Variants in SFT2D2 observed in about 807,000 individuals in gnomAD.
SFT2D2 encodes the protein vesicle transport protein SFT2B.
Under a neutral mutation model 27.4 loss-of-function variants are expected in SFT2D2, and 21 were observed. The observed-to-expected ratio is 0.77, with a 90% CI of 0.54 to 1.10. The LOEUF is 1.10. Ranked by LOEUF, SFT2D2 falls within the 50% of genes least tolerant of loss-of-function variation. The probability of loss-of-function intolerance (pLI) is 0.00; values close to 1 mark genes in which losing one functional copy is unlikely to be tolerated. For synonymous variants in SFT2D2, 72 were observed against 71.7 expected (o/e 1.00, Z -0.02); for missense variants, 187 against 194.2 (o/e 0.96, Z 0.22).
At chr1:168,237,275 G>T (rs148067275) in intron 6 of SFT2D2, among the ~76,000 whole-genome samples, 8 of 152,208 alleles carry the variant, frequency 5.3e-5, no homozygotes, top group Non-Finnish European at 1.0e-4. Flanking sequence ...ATGGAAAAAC[G>T]TGTGTCTGTG....
chr1:168,242,054 T>C (rs909992109), intron 7 of SFT2D2, among the ~76,000 whole-genome samples: 1 of 152,214 alleles, frequency 6.6e-6, no homozygotes, highest in African/African-American at 2.4e-5. Context: ...CATTATAGCA[T>C]ATTAATAAGT....
chr1:168,240,630 A>G (rs920142049), intron 7 of SFT2D2, among the ~76,000 whole-genome samples: 2 of 152,110 alleles, frequency 1.3e-5, no homozygotes, highest in Non-Finnish European at 2.9e-5. Flanking sequence ...TTCAAAAATC[A>G]TAGGCCGGGC....
At chr1:168,226,170 C>T (rs986095346) in intron 1 of SFT2D2, 28 bp downstream of exon 1, 122 of 1,523,248 alleles carry the variant, frequency 8.0e-5, no homozygotes, top group Non-Finnish European at 1.0e-4. Context: ...CGTCGGCCCC[C>T]TCTCGCCGCG....
At chr1:168,235,021 A>G (rs1647450961) in intron 3 of SFT2D2, 80 bp from the exon 4 acceptor site, 2 of 1,212,414 alleles carry the variant, frequency 1.6e-6, no homozygotes, top group Admixed American at 3.4e-5. Flanking sequence ...CTATTGCCAC[A>G]GGAAATCTTG....
rs1032204635 is a variant in SFT2D2 at position 168,247,376 on chromosome 1, T to A, written c.*4836T>A. Reference sequence around the variant, plus strand: ...ATGTGATGTTCCCCTCCCTTTTCCATGTGTTCTCATTGTTCAACTCCCACT... The same window carrying A: ...ATGTGATGTTCCCCTCCCTTTTCCAAGTGTTCTCATTGTTCAACTCCCACT... On this transcript the variant is annotated 3_prime_UTR_variant, in exon 8 of 8. Coordinates refer to ENST00000271375, the MANE Select transcript of SFT2D2 (RefSeq NM_199344.3). 5 of 171,304 alleles carry A rather than the reference T, an allele frequency of 2.9e-5. No homozygotes were observed. In the East Asian group the frequency reaches 9.1e-4, roughly 31 times the overall value. 10.6% of individuals were successfully genotyped at this position (171,304 alleles called of 1,614,324 possible).
At chr1:168,234,959 C>T in intron 3 of SFT2D2, 142 bp from the exon 4 acceptor site, 1 of 734,410 alleles carries the variant, frequency 1.4e-6, no homozygotes, top group Non-Finnish European at 2.4e-6. Context: ...GAGAAAAATG[C>T]ACGAAAGGCC....
In SFT2D2 at chr1:168,251,662, G is replaced by A. The variant is rs564532460; in HGVS notation, c.*9122G>A. The A allele has an allele frequency of 2.4e-4, 37 of 151,396 alleles. No individual in the cohort carries two copies. The highest frequency in any genetic ancestry group is 8.9e-4 in the African/African-American group (37 of 41,342). 9.4% of individuals were successfully genotyped at this position (151,396 alleles called of 1,614,324 possible). A position where few individuals can be genotyped will look rare whatever the true frequency, so the allele number is the denominator to read the frequency against. On this transcript the variant is annotated 3_prime_UTR_variant, in exon 8 of 8. Coordinates refer to ENST00000271375, the MANE Select transcript of SFT2D2 (RefSeq NM_199344.3). ...TTTAAGAATCAGTGTTTAAAGGTAC[G>A]TGAAACCATTTGCTAGATTTTTGTC...
At chr1:168,242,458 G>C (rs576706997) in intron 7 of SFT2D2, 43 bp from the exon 8 acceptor site, 1 of 1,613,058 alleles carries the variant, frequency 6.2e-7, no homozygotes, top group African/African-American at 1.3e-5. Context: ...AGTGCCTTTG[G>C]GGTGATGACG....
Position 168,236,555 on chromosome 1 carries a change from T to A in SFT2D2, c.319-34T>A, listed in dbSNP as rs776010985. The A allele has an allele frequency of 4.4e-6, 7 of 1,598,312 alleles. No homozygotes were observed. In the South Asian group the frequency reaches 7.8e-5, roughly 18 times the overall value. On this transcript the variant is annotated intron_variant, in intron 4 of 7. Transcript: ENST00000271375. ...GAGTTTTTTTTTTCCTGCCATGTTATTGTCATTAATTAATGTTTCCTTTCT... is the reference window on the plus strand; with the variant it reads ...GAGTTTTTTTTTTCCTGCCATGTTAATGTCATTAATTAATGTTTCCTTTCT...
At chr1:168,234,961 C>T (rs1412299888) in intron 3 of SFT2D2, 140 bp from the exon 4 acceptor site, 8 of 749,812 alleles carry the variant, frequency 1.1e-5, no homozygotes, top group East Asian at 9.9e-5. Context: ...GAAAAATGCA[C>T]GAAAGGCCCT....
chr1:168,239,409 G>T (rs1240472195), intron 7 of SFT2D2, among the ~76,000 whole-genome samples: 1 of 150,856 alleles, frequency 6.6e-6, no homozygotes, highest in African/African-American at 2.4e-5. Flanking sequence ...CTTATATATG[G>T]TGCATATATG....
rs1007130168 is a variant in SFT2D2, at chr1:168,233,110, T to C, written c.236+1191T>C. 5.9e-5 allele frequency among the ~76,000 whole-genome samples: 9 copies of C among 152,328 alleles called. No homozygotes were observed. The South Asian group carries it at 1.5e-3, about 25-fold the overall frequency. ...CAGTCAAGCGTCTTTGAGATCTGGC[T>C]TCACCGTTGTCCCATTCCCTATCCA... On this transcript the variant is annotated intron_variant, in intron 3 of 7. Coordinates refer to ENST00000271375, the MANE Select transcript of SFT2D2 (RefSeq NM_199344.3).
intron 7 of SFT2D2, among the ~76,000 whole-genome samples, chr1:168,240,493 G>C (rs1000672358): frequency 6.6e-6 from 1 of 152,104 alleles, no homozygotes; most frequent in Admixed American, 6.5e-5. Flanking sequence ...GAAGTAAACC[G>C]GAGTTCATCA....
intron 1 of SFT2D2, among the ~76,000 whole-genome samples, 166 bp from the exon 2 acceptor site, chr1:168,231,348 C>T (rs1466034931): frequency 1.3e-5 from 2 of 152,210 alleles, no homozygotes; most frequent in Non-Finnish European, 1.5e-5. Context: ...AATAACTTTA[C>T]AGCTCTGATA....
At position 168,246,104 on chromosome 1, in the gene SFT2D2, A is replaced by C; in HGVS notation, c.*3564A>C. On this transcript the variant is annotated 3_prime_UTR_variant, in exon 8 of 8. Coordinates refer to ENST00000271375, the MANE Select transcript of SFT2D2 (RefSeq NM_199344.3). ...ACCCTGTTTTTGTTGAAGTTGTCTCACAACTACTTCTCTTTCTGCTTTCTC... is the reference window on the plus strand; with the variant it reads ...ACCCTGTTTTTGTTGAAGTTGTCTCCCAACTACTTCTCTTTCTGCTTTCTC... 4.2e-6 allele frequency: 1 copy of C among 235,644 alleles called. No homozygotes were observed. The highest frequency in any genetic ancestry group is 4.9e-5 in the South Asian group (1 of 20,438). 14.6% of individuals were successfully genotyped at this position (235,644 alleles called of 1,614,324 possible). A position where few individuals can be genotyped will look rare whatever the true frequency, so the allele number is the denominator to read the frequency against.
At chr1:168,240,211 AATTAT>A (rs1275335604) in intron 7 of SFT2D2, among the ~76,000 whole-genome samples, 1 of 151,928 alleles carries the variant, frequency 6.6e-6, no homozygotes, top group East Asian at 1.9e-4. Flanking sequence ...GGAAATGAAA[AATTAT>A]GCATGACTTG....
chr1:168,231,453 T>C (rs963516406), intron 1 of SFT2D2, 61 bp from the exon 2 acceptor site: 1 of 1,373,970 alleles, frequency 7.3e-7, no homozygotes, highest in Non-Finnish European at 1.0e-6. Context: ...GATTTAGTTA[T>C]GTGCTTGCTT....
intron 3 of SFT2D2, among the ~76,000 whole-genome samples, chr1:168,232,309 A>G (rs1171866611): frequency 2.6e-5 from 4 of 152,114 alleles, no homozygotes; most frequent in African/African-American, 9.7e-5. Flanking sequence ...TTAGTGTCAG[A>G]CCTTCCCAGA....
chr1:168,239,199 T>C, intron 7 of SFT2D2, 39 bp downstream of exon 7: 2 of 1,500,784 alleles, frequency 1.3e-6, no homozygotes, highest in Non-Finnish European at 1.9e-6. Context: ...TTCTGTCATT[T>C]TAATTCAGAG....
Sources: gnomAD v4.1 joint callset for allele counts (sites outside exome capture counted in the v4.1 genomes callset) on GRCh38, gnomAD v4.1.1 for gene constraint, MANE v1.5 for transcripts, NCBI Gene and HGNC (gene_info 2026-07-23, HGNC 2026-07-21) for gene names.